Variants in ENAH observed in about 807,000 individuals in gnomAD.
The protein encoded by ENAH is ENAH actin regulator, also known as protein enabled homolog.
ENAH carries 23 observed loss-of-function variants against 78.7 expected under a neutral mutation model. The observed-to-expected ratio is 0.29, with a 90% confidence interval of 0.21 to 0.41. The LOEUF (loss-of-function observed/expected upper bound fraction) is 0.41, where lower values mean the gene tolerates loss of function less well. ENAH is among the 10% of genes least tolerant of loss of function. The probability of loss-of-function intolerance (pLI) is 1.00; values close to 1 mark genes in which losing one functional copy is unlikely to be tolerated. For missense variants in ENAH, 544 were observed against 691.0 expected (o/e 0.79, Z 2.39); for synonymous variants, 226 against 241.0 (o/e 0.94, Z 0.58).
chr1:225,494,654 T>C lies in ENAH; in HGVS notation c.*3121A>G, dbSNP rs1284591945. The C allele has an allele frequency of 6.6e-6, 1 of 152,220 alleles. No individual in the cohort carries two copies. Among genetic ancestry groups the C allele is most frequent in the African/African-American group, 2.4e-5 (1 of 41,466 alleles). The allele number at this position is 152,220 out of a possible 1,614,324, so 9.4% of individuals were successfully genotyped here. ...TATTTCTTTTGTATACATTACTTAG[T>C]ATTCACGACTTCTATGAAATCTGTA... On this transcript the variant is annotated 3_prime_UTR_variant, in exon 14 of 14. Coordinates refer to ENST00000366843, the MANE Select transcript of ENAH (RefSeq NM_018212.6).
At chr1:225,564,247 T>G (rs1007525045) in intron 2 of ENAH, among the ~76,000 whole-genome samples, 1 of 152,098 alleles carries the variant, frequency 6.6e-6, no homozygotes, top group Admixed American at 6.6e-5. Context: ...CTCGAGTAGC[T>G]GGGACTACAG....
chr1:225,514,471 T>A (rs2096401690), intron 7 of ENAH, 125 bp downstream of exon 7: 2 of 893,866 alleles, frequency 2.2e-6, no homozygotes, highest in South Asian at 3.0e-5. Flanking sequence ...CAGGGTAAAT[T>A]ATTTCAATTT....
intron 2 of ENAH, among the ~76,000 whole-genome samples, chr1:225,562,276 T>C (rs1013247251): frequency 3.4e-4 from 51 of 151,544 alleles, no homozygotes; most frequent in African/African-American, 1.2e-3. Context: ...ATATTCTATA[T>C]AAAACCCAAG....
At chr1:225,548,030 A>C (rs2096623146) in intron 3 of ENAH, among the ~76,000 whole-genome samples, 1 of 152,158 alleles carries the variant, frequency 6.6e-6, no homozygotes, top group South Asian at 2.1e-4. Context: ...CTTGTGTCTA[A>C]TTTGCGCTGG....
intron 9 of ENAH, among the ~76,000 whole-genome samples, chr1:225,512,093 A>C (rs139340806): frequency 0.011 from 1,616 of 152,284 alleles, 14 homozygotes; most frequent in South Asian, 0.027. Context: ...AACTTTCACT[A>C]GCCAATGCTA....
chr1:225,513,280 T>C (rs1167846002), intron 7 of ENAH, among the ~76,000 whole-genome samples: 1 of 152,212 alleles, frequency 6.6e-6, no homozygotes, highest in Non-Finnish European at 1.5e-5. Flanking sequence ...GACTTTGCTC[T>C]GATAATATTC....
chr1:225,571,786 T>C (rs1357468357), intron 1 of ENAH, among the ~76,000 whole-genome samples: 4 of 152,004 alleles, frequency 2.6e-5, no homozygotes, highest in African/African-American at 9.7e-5. Flanking sequence ...AATGACAGGG[T>C]CAGAGGGCTT....
In ENAH at chr1:225,501,067, T is replaced by G. The variant is rs894997304; in HGVS notation, c.1542A>C (p.Pro514=). The change falls in exon 12 of 14, where the codon CCA becomes CCC. Residue 514 remains proline, a synonymous_variant. Transcript: ENST00000366843. ...TGGGCTGTGATAAGGGTGTGGATTT[T>G]GGTCTGTATAAATGAGATTTCCAGG... ...NGSKSPVISR[P]KSTPLSQPSA... is the part of the protein sequence containing the mutation. 2.5e-6 allele frequency: 4 copies of G among 1,613,846 alleles called. No individual in the cohort carries two copies. The African/African-American group carries it at 5.3e-5, about 22-fold the overall frequency.
At chr1:225,503,574 C>A (rs773652952) in intron 11 of ENAH, among the ~76,000 whole-genome samples, 2 of 142,010 alleles carry the variant, frequency 1.4e-5, no homozygotes, top group Non-Finnish European at 3.0e-5. Flanking sequence ...TGGCACCCAG[C>A]CTTAAAAATC....
rs547291435 is a variant in ENAH, at chr1:225,517,294, G to C, written c.815C>G (p.Ser272Cys). 6.4e-7 allele frequency: 1 copy of C among 1,551,864 alleles called. No individual in the cohort carries two copies. Among genetic ancestry groups the C allele is most frequent in the East Asian group, 2.4e-5 (1 of 40,936 alleles). Residue 272 changes from serine to cysteine, a missense_variant, in exon 6 of 14, where the codon TCT becomes TGT. By Grantham distance (112) the Ser-to-Cys change is moderately radical (BLOSUM62 -1). Transcript: ENST00000366843. ...CACAGAGTTTAGAGGAGTCTCAACA[G>C]AGGCAGGGGCAGCTGCAGAGGGAGA... is the stretch of plus-strand genomic sequence containing the variant. Reference protein sequence around the residue: ...RRISSAAAPASVETPLNSVLG... With the variant: ...RRISSAAAPACVETPLNSVLG...
chr1:225,529,935 CA>C (rs1248414398), intron 4 of ENAH, among the ~76,000 whole-genome samples: 1 of 152,214 alleles, frequency 6.6e-6, no homozygotes, highest in African/African-American at 2.4e-5. Flanking sequence ...AGAAACTGAA[CA>C]AGCTGCCTCA....
intron 1 of ENAH, among the ~76,000 whole-genome samples, chr1:225,605,956 T>C (rs1337576032): frequency 6.6e-6 from 1 of 152,194 alleles, no homozygotes; most frequent in Non-Finnish European, 1.5e-5. Flanking sequence ...TGGTATTTTG[T>C]CATGGCAGCC....
intron 1 of ENAH, among the ~76,000 whole-genome samples, chr1:225,647,033 T>C (rs1169987819): frequency 6.6e-6 from 1 of 151,728 alleles, no homozygotes; most frequent in Non-Finnish European, 1.5e-5. Flanking sequence ...AAGACCATCC[T>C]GGCTAACATG....
chr1:225,574,019 C>T (rs566549677), intron 1 of ENAH, among the ~76,000 whole-genome samples: 5 of 152,230 alleles, frequency 3.3e-5, no homozygotes, highest in East Asian at 1.9e-4. Flanking sequence ...ATTAGCATCA[C>T]GTCTGTTATG....
intron 1 of ENAH, among the ~76,000 whole-genome samples, chr1:225,631,928 A>G (rs1326125116): frequency 6.6e-6 from 1 of 152,126 alleles, no homozygotes; most frequent in Admixed American, 6.5e-5. Context: ...AAAAGACTAT[A>G]ATGTCTTAAC....
intron 3 of ENAH, among the ~76,000 whole-genome samples, chr1:225,544,726 G>T (rs1032893065): frequency 2.6e-5 from 4 of 152,000 alleles, no homozygotes; most frequent in African/African-American, 7.3e-5. Flanking sequence ...TAGTGAACAA[G>T]AACTTAAAAG....
rs748787492 is a variant in ENAH, at chr1:225,515,035, G to T, written c.914-135C>A. 5.3e-6 allele frequency: 4 copies of T among 761,054 alleles called. No individual in the cohort carries two copies. The Admixed American group carries it at 1.0e-4, about 19-fold the overall frequency. The allele number at this position is 761,054 out of a possible 1,614,324, so 47.1% of individuals were successfully genotyped here. ...TACTTAATGAGTCCAATTTATCATA[G>T]TTGTAAAAGTCTAGATCAGTTTTTG... On this transcript the variant is annotated intron_variant, in intron 6 of 13. Transcript: ENST00000366843.
In ENAH at chr1:225,568,383, T is replaced by C. The variant is rs761499055; in HGVS notation, c.6-969A>G. On this transcript the variant is annotated intron_variant, in intron 1 of 13. Coordinates refer to ENST00000366843, the MANE Select transcript of ENAH (RefSeq NM_018212.6). ...CCGTCTCTATATTTAAAATAAAATA[T>C]AAAGATAATCTCAATTTCATCTTAA... is the stretch of plus-strand genomic sequence containing the variant. 3.0e-4 allele frequency among the ~76,000 whole-genome samples: 46 copies of C among 152,288 alleles called. 1 individual carries two copies. The highest frequency in any genetic ancestry group is 6.2e-4 in the South Asian group (3 of 4,828).
intron 2 of ENAH, among the ~76,000 whole-genome samples, chr1:225,565,520 T>C (rs1246718305): frequency 1.3e-5 from 2 of 152,218 alleles, no homozygotes; most frequent in South Asian, 2.1e-4. Flanking sequence ...TGTTCATCAG[T>C]ACTTTCAAAT....
Sources: allele counts gnomAD v4.1 joint callset (sites outside exome capture counted in the v4.1 genomes callset), GRCh38; gene constraint gnomAD v4.1.1; transcripts MANE v1.5; gene names NCBI Gene and HGNC (gene_info 2026-07-23, HGNC 2026-07-21).